OXNAD1: variants seen among roughly 807,000 people sequenced by gnomAD.
The protein encoded by OXNAD1 is oxidoreductase NAD-binding domain-containing protein 1.
A neutral mutation model predicts 32.9 loss-of-function variants in OXNAD1; 34 were observed. The ratio of observed to expected loss-of-function variants is 1.03; its 90% CI spans 0.79 to 1.38. The LOEUF is 1.38. OXNAD1 is among the 40% of genes most tolerant of loss of function. The pLI, the probability that OXNAD1 is intolerant of heterozygous loss-of-function variation, is 0.00. For synonymous variants in OXNAD1, 134 were observed against 135.2 expected (o/e 0.99, Z 0.06); for missense variants, 407 against 379.4 (o/e 1.07, Z -0.60).
At chr3:16,343,390 C>T (rs2071435826) in intron 9 of OXNAD1, among the ~76,000 whole-genome samples, 1 of 152,208 alleles carries the variant, frequency 6.6e-6, no homozygotes, top group Admixed American at 6.5e-5. Flanking sequence ...CTTCCTTCCT[C>T]ATAAGTCAGC....
At position 16,301,544 on chromosome 3, in the gene OXNAD1, A is replaced by T; in HGVS notation, c.433-82A>T. On this transcript the variant is annotated intron_variant, in intron 6 of 8. Coordinates refer to ENST00000285083, the MANE Select transcript of OXNAD1 (RefSeq NM_138381.5). The surrounding 1 kb of genome is among the most constrained non-coding windows in gnomAD (Gnocchi z 4.1). ...CTTAAATACTGATAATACAGGAGAT[A>T]GACCCAGTTTTATTAAAGTAGAACA... 10 of 1,507,886 alleles carry T rather than the reference A, an allele frequency of 6.6e-6. No individual in the cohort carries two copies. Among genetic ancestry groups the T allele is most frequent in the Non-Finnish European group, 9.1e-6 (10 of 1,104,282 alleles). 93.4% of individuals were successfully genotyped at this position (1,507,886 alleles called of 1,614,324 possible).
chr3:16,301,802 T>C lies in OXNAD1; in HGVS notation c.609T>C (p.Asn203=), dbSNP rs369744492. ...TCAGAGAGCAGGCAAACAAAAGAAA[T>C]GGATATGAGATAGGAACAATAAAAC... ...DLLREQANKR[N]GYEIGTIKLF... The change falls in exon 7 of 9, where the codon AAT becomes AAC. Residue 203 remains asparagine, a synonymous_variant. Coordinates refer to ENST00000285083, the MANE Select transcript of OXNAD1 (RefSeq NM_138381.5). This position sits in a 1 kb window ranked among gnomAD's most constrained non-coding sequence, Gnocchi z 4.1. 2 of 1,613,838 alleles carry C rather than the reference T, an allele frequency of 1.2e-6. No homozygotes were observed. The highest frequency in any genetic ancestry group is 2.7e-5 in the African/African-American group (2 of 74,874).
At position 16,344,395 on chromosome 3, in the gene OXNAD1, C is replaced by T. The variant is rs1228056782; in HGVS notation, c.*31-4781C>T. Among the ~76,000 whole-genome samples, 3 of 151,608 alleles carry T rather than the reference C, an allele frequency of 2.0e-5. No homozygotes were observed. Among genetic ancestry groups the T allele is most frequent in the Non-Finnish European group, 2.9e-5 (2 of 67,940 alleles). The stretch of plus-strand genomic sequence containing the variant: ...CAACTATAATCTAATTTAGAAACAA[C>T]ATGTAAAAACAGATACATTCAGAAA... On this transcript the variant is annotated intron_variant, in intron 9 of 9. Transcript: ENST00000606098. This position sits in a 1 kb window ranked among gnomAD's most constrained non-coding sequence, Gnocchi z 4.4.
chr3:16,266,005 A>G, intron 1 of OXNAD1: 1 of 678,552 alleles, frequency 1.5e-6, no homozygotes, highest in East Asian at 1.4e-4. Flanking sequence ...GGTAAAACCG[A>G]TTACATTGGG....
At chr3:16,326,849 G>A in intron 9 of OXNAD1, 1 of 1,614,062 alleles carries the variant, frequency 6.2e-7, no homozygotes. Flanking sequence ...TTCAGCAGGG[G>A]CACGTAGTCT....
intron 5 of OXNAD1, among the ~76,000 whole-genome samples, chr3:16,294,216 T>TC (rs2066613007): frequency 6.6e-6 from 1 of 151,902 alleles, no homozygotes; most frequent in Non-Finnish European, 1.5e-5. Flanking sequence ...TTTTTTTTTT[T>TC]CTTGACATGA....
In OXNAD1 at chr3:16,295,244, AT is replaced by A. The variant is rs545936757; in HGVS notation, c.432+251del. Among the ~76,000 whole-genome samples, 15 of 152,332 alleles carry A rather than the reference AT, an allele frequency of 9.8e-5. No individual in the cohort carries two copies. In the South Asian group the frequency reaches 2.9e-3, roughly 29 times the overall value. On this transcript the variant is annotated intron_variant, in intron 6 of 8. Coordinates refer to ENST00000285083, the MANE Select transcript of OXNAD1 (RefSeq NM_138381.5). Reference sequence around the variant, plus strand: ...TTGAATACTGCTTTAGAATTAAAATATTTTATATTTTAGACAAGTTCTAAAA... The same window carrying A: ...TTGAATACTGCTTTAGAATTAAAATATTTATATTTTAGACAAGTTCTAAAA...
chr3:16,281,629 A>G (rs2065746403), intron 4 of OXNAD1, among the ~76,000 whole-genome samples: 1 of 152,234 alleles, frequency 6.6e-6, no homozygotes, highest in African/African-American at 2.4e-5. Flanking sequence ...ATATGGCTTA[A>G]TAGAAAGTAT....
chr3:16,270,279 C>A (rs892035100), intron 2 of OXNAD1, among the ~76,000 whole-genome samples: 3 of 152,152 alleles, frequency 2.0e-5, no homozygotes, highest in African/African-American at 7.2e-5. Context: ...AAAAGAATAT[C>A]TGTTCTTTGG....
rs2071590090 is a variant in OXNAD1, at chr3:16,345,441, G to T, written c.*31-3735G>T. 6.6e-6 allele frequency among the ~76,000 whole-genome samples: 1 copy of T among 152,186 alleles called. No homozygotes were observed. The highest frequency in any genetic ancestry group is 1.5e-5 in the Non-Finnish European group (1 of 68,038). On this transcript the variant is annotated intron_variant, in intron 9 of 9. Transcript: ENST00000606098. The surrounding 1 kb of genome is among the most constrained non-coding windows in gnomAD (Gnocchi z 5.2). ...CATTATTTTTGGGCATGTTGTGAGG[G>T]TGTTTCTGGAAAAGATTAGCATTTG...
Position 16,334,516 on chromosome 3 carries a change from G to A in OXNAD1, c.*31-2596G>A, listed in dbSNP as rs1379038242. ...AACTACTCAAGTGCCCATCAGTGCT[G>A]GATTTGTATTTAACATTATGTTTCA... On this transcript the variant is annotated intron_variant, in intron 9 of 9. Coordinates refer to the OXNAD1 transcript ENST00000435829. This position sits in a 1 kb window ranked among gnomAD's most constrained non-coding sequence, Gnocchi z 4.3. 6.6e-6 allele frequency among the ~76,000 whole-genome samples: 1 copy of A among 152,168 alleles called. No individual in the cohort carries two copies.
rs2068064776 is a variant in OXNAD1, at chr3:16,312,864, CA to C, written c.*30+9273del. Reference sequence around the variant, plus strand: ...AACCTGGAGATCTGAAAAAATCTGACAGGCATTTGACTAATGTTTACCTTTT... The same window carrying C: ...AACCTGGAGATCTGAAAAAATCTGACGGCATTTGACTAATGTTTACCTTTT... On this transcript the variant is annotated intron_variant, in intron 9 of 9. Transcript: ENST00000435829. This position sits in a 1 kb window ranked among gnomAD's most constrained non-coding sequence, Gnocchi z 4.7. Among the ~76,000 whole-genome samples, 1 of 152,200 alleles carries C rather than the reference CA, an allele frequency of 6.6e-6. No homozygotes were observed. The highest frequency in any genetic ancestry group is 2.4e-5 in the African/African-American group (1 of 41,434).
At position 16,317,060 on chromosome 3, in the gene OXNAD1, C is replaced by T; in HGVS notation, c.*30+13468C>T. 1 of 1,613,958 alleles carries T rather than the reference C, an allele frequency of 6.2e-7. No homozygotes were observed. The highest frequency in any genetic ancestry group is 8.5e-7 in the Non-Finnish European group (1 of 1,179,994). On this transcript the variant is annotated intron_variant, in intron 9 of 9. Coordinates refer to the OXNAD1 transcript ENST00000435829. This position sits in a 1 kb window ranked among gnomAD's most constrained non-coding sequence, Gnocchi z 4.3. ...GCCCTTCATCTCCTCGGAGACTCCA[C>T]CCTCCTGCTGCTGTCCTGAAACACA...
intron 9 of OXNAD1, among the ~76,000 whole-genome samples, chr3:16,318,141 A>G (rs690556): frequency 0.35 from 52,448 of 151,688 alleles, 9,957 homozygotes; most frequent in Non-Finnish European, 0.42. Flanking sequence ...GGTCTCATCA[A>G]ATCTCTGGAG....
At chr3:16,313,710 G>C (rs2068131755) in intron 9 of OXNAD1, 1 of 152,176 alleles carries the variant, frequency 6.6e-6, no homozygotes, top group Non-Finnish European at 1.5e-5. Flanking sequence ...GGTTACACAT[G>C]TAGACTGGGT....
chr3:16,287,805 G>C lies in OXNAD1; in HGVS notation c.290+1357G>C, dbSNP rs2066173179. 1.3e-5 allele frequency among the ~76,000 whole-genome samples: 2 copies of C among 152,196 alleles called. No individual in the cohort carries two copies. Among genetic ancestry groups the C allele is most frequent in the African/African-American group, 4.8e-5 (2 of 41,450 alleles). On this transcript the variant is annotated intron_variant, in intron 5 of 8. Transcript: ENST00000285083. This position sits in a 1 kb window ranked among gnomAD's most constrained non-coding sequence, Gnocchi z 4.8. Reference sequence around the variant, plus strand: ...TCCTCATTCCCTAGTGATATTTGTAGAAATAGAGTCCTACTGTGATTCTCA... The same window carrying C: ...TCCTCATTCCCTAGTGATATTTGTACAAATAGAGTCCTACTGTGATTCTCA...
chr3:16,270,932 T>C lies in OXNAD1; in HGVS notation c.-8-13T>C. On this transcript the variant is annotated splice_polypyrimidine_tract_variant and intron_variant, in intron 2 of 8. Coordinates refer to ENST00000285083, the MANE Select transcript of OXNAD1 (RefSeq NM_138381.5). ...AAAAAACAATTTGAAATTTCAGTTT[T>C]CTGTTTGCCCAGAAAGCGCCATGGC... The C allele has an allele frequency of 6.2e-7, 1 of 1,613,552 alleles. No individual in the cohort carries two copies. The highest frequency in any genetic ancestry group is 8.5e-7 in the Non-Finnish European group (1 of 1,179,884).
At chr3:16,295,031 G>A (rs1488376172) in intron 6 of OXNAD1, 34 bp downstream of exon 6, 1 of 1,564,618 alleles carries the variant, frequency 6.4e-7, no homozygotes, top group Admixed American at 1.9e-5. Flanking sequence ...GCGATGATCT[G>A]GGTATCTCTG....
chr3:16,342,989 C>T lies in OXNAD1; in HGVS notation c.*31-6187C>T, dbSNP rs1255368695. 2.0e-5 allele frequency among the ~76,000 whole-genome samples: 3 copies of T among 152,172 alleles called. No homozygotes were observed. ...CTGAGTCGCTGGGAATACAGGCACA[C>T]ACCACCATGCCCAGCTAATTTTTAT... On this transcript the variant is annotated intron_variant, in intron 9 of 9. Coordinates refer to the OXNAD1 transcript ENST00000606098. The surrounding 1 kb of genome is among the most constrained non-coding windows in gnomAD (Gnocchi z 4.0).
Sources: gnomAD v4.1 joint callset for allele counts (sites outside exome capture counted in the v4.1 genomes callset) on GRCh38, gnomAD v4.1.1 for gene constraint, Gnocchi (gnomAD v3.1) non-coding constraint, MANE v1.5 for transcripts, NCBI Gene and HGNC (gene_info 2026-07-23, HGNC 2026-07-21) for gene names.